The following NDUFA9 variants were observed in gnomAD, a reference collection of about 807,000 sequenced individuals.
The protein encoded by NDUFA9 is NADH dehydrogenase [ubiquinone] 1 alpha subcomplex subunit 9, mitochondrial.
NDUFA9 carries 23 observed loss-of-function variants against 45.9 expected under a neutral mutation model. The observed-to-expected ratio is 0.50, with a 90% CI of 0.36 to 0.71. The LOEUF (loss-of-function observed/expected upper bound fraction) is 0.71, where lower values mean the gene tolerates loss of function less well. NDUFA9 is among the 30% of genes least tolerant of loss of function. The pLI, the probability that NDUFA9 is intolerant of heterozygous loss-of-function variation, is 0.00. For missense variants in NDUFA9, 466 were observed against 488.2 expected (o/e 0.95, Z 0.43); for synonymous variants, 176 against 170.5 (o/e 1.03, Z -0.25).
At chr12:4,677,697 G>C (rs1479823929) in intron 8 of NDUFA9, among the ~76,000 whole-genome samples, 1 of 151,854 alleles carries the variant, frequency 6.6e-6, no homozygotes, top group African/African-American at 2.4e-5. Flanking sequence ...ACTGTTGGTG[G>C]AAGTGTAAAC....
At chr12:4,652,086 A>T (rs1396504787) in intron 1 of NDUFA9, among the ~76,000 whole-genome samples, 1 of 152,240 alleles carries the variant, frequency 6.6e-6, no homozygotes, top group Non-Finnish European at 1.5e-5. Context: ...AAGGAATCAG[A>T]TGAGAACAGT....
intron 3 of NDUFA9, 37 bp from the exon 4 acceptor site, chr12:4,657,711 C>G: frequency 6.8e-7 from 1 of 1,470,962 alleles, no homozygotes. Context: ...TGAGGTATAC[C>G]CCTATGTTTT....
chr12:4,672,725 C>T (rs1591547629), intron 8 of NDUFA9, among the ~76,000 whole-genome samples: 1 of 152,172 alleles, frequency 6.6e-6, no homozygotes. Context: ...AGGCAGTAGC[C>T]CAAGTCAGGG....
At chr12:4,660,333 G>A (rs1427058171) in intron 5 of NDUFA9, among the ~76,000 whole-genome samples, 1 of 152,126 alleles carries the variant, frequency 6.6e-6, no homozygotes, top group Non-Finnish European at 1.5e-5. Flanking sequence ...AAAGATTGAG[G>A]AGCACTATTT....
intron 4 of NDUFA9, 115 bp downstream of exon 4, chr12:4,657,954 A>G: frequency 1.2e-6 from 1 of 841,552 alleles, no homozygotes; most frequent in South Asian, 1.5e-5. Context: ...ATTAGTGAAT[A>G]AGGGTTGGTT....
At chr12:4,670,405 T>C (rs534823043) in intron 8 of NDUFA9, among the ~76,000 whole-genome samples, 14 of 152,330 alleles carry the variant, frequency 9.2e-5, no homozygotes, top group African/African-American at 3.1e-4. Flanking sequence ...AAGACTTCAT[T>C]TGCCAAGTTG....
Position 4,657,837 on chromosome 12 carries a change from C to G in NDUFA9, c.408C>G (p.Thr136=). The G allele has an allele frequency of 6.2e-7, 1 of 1,608,848 alleles. No individual in the cohort carries two copies. Among genetic ancestry groups the G allele is most frequent in the Non-Finnish European group, 8.5e-7 (1 of 1,175,284 alleles). ...ATCTTATTGGACGAGACTGGGAAAC[C>G]AAGTAAGTCTTTGACTCTTGTTTCT... ...VINLIGRDWE[T]KNFDFEDVFV... The change falls in exon 4 of 11, where the codon ACC becomes ACG. Residue 136 remains threonine, a splice_region_variant and synonymous_variant. Transcript: ENST00000266544.
chr12:4,676,974 C>T (rs770612221), intron 8 of NDUFA9, among the ~76,000 whole-genome samples: 1 of 152,160 alleles, frequency 6.6e-6, no homozygotes. Flanking sequence ...TGGGACAGAA[C>T]AGAGGGCTCA....
At chr12:4,654,514 C>G in intron 2 of NDUFA9, 52 bp downstream of exon 2, 1 of 1,575,882 alleles carries the variant, frequency 6.3e-7, no homozygotes, top group Non-Finnish European at 8.7e-7. Flanking sequence ...ATCAGGATTG[C>G]CTGATGAGAA....
At chr12:4,656,861 G>C (rs547471679) in intron 3 of NDUFA9, among the ~76,000 whole-genome samples, 1 of 152,344 alleles carries the variant, frequency 6.6e-6, no homozygotes, top group South Asian at 2.1e-4. Context: ...CAAAGCCACT[G>C]TTTAGACTGT....
chr12:4,659,675 C>G (rs1945812746), intron 5 of NDUFA9, among the ~76,000 whole-genome samples: 1 of 152,180 alleles, frequency 6.6e-6, no homozygotes. Context: ...AATGCCATAC[C>G]TAGAGACTGA....
intron 8 of NDUFA9, among the ~76,000 whole-genome samples, chr12:4,670,205 G>A (rs760810683): frequency 5.9e-5 from 9 of 152,188 alleles, no homozygotes; most frequent in Non-Finnish European, 1.2e-4. Flanking sequence ...TCCAGAGGCT[G>A]AAAAACGGGT....
intron 6 of NDUFA9, among the ~76,000 whole-genome samples, chr12:4,667,870 A>T (rs1487322460): frequency 6.6e-6 from 1 of 152,186 alleles, no homozygotes; most frequent in Non-Finnish European, 1.5e-5. Context: ...AACAAAAAAA[A>T]CTTTTTTAAC....
chr12:4,649,462 A>G (rs1469738963), intron 1 of NDUFA9, among the ~76,000 whole-genome samples: 1 of 151,782 alleles, frequency 6.6e-6, no homozygotes, highest in African/African-American at 2.4e-5. Flanking sequence ...GAATTCTGAT[A>G]TGGTTGTAAG....
chr12:4,662,855 G>T (rs1278929649), intron 6 of NDUFA9, among the ~76,000 whole-genome samples: 2 of 152,128 alleles, frequency 1.3e-5, no homozygotes. Context: ...CATGAACTTG[G>T]GAGTCAGAGA....
At chr12:4,653,048 G>T (rs1267218864) in intron 1 of NDUFA9, among the ~76,000 whole-genome samples, 1 of 152,262 alleles carries the variant, frequency 6.6e-6, no homozygotes, top group Non-Finnish European at 1.5e-5. Flanking sequence ...TCCGAAGTTT[G>T]TTGATTGGAG....
At chr12:4,671,932 TAAA>T (rs1363568126) in intron 8 of NDUFA9, among the ~76,000 whole-genome samples, 1 of 152,180 alleles carries the variant, frequency 6.6e-6, no homozygotes, top group East Asian at 1.9e-4. Flanking sequence ...GTAAGAGTTA[TAAA>T]ACAAGGATTG....
At chr12:4,662,403 T>A in intron 5 of NDUFA9, 130 bp from the exon 6 acceptor site, 1 of 684,856 alleles carries the variant, frequency 1.5e-6, no homozygotes, top group Non-Finnish European at 2.5e-6. Context: ...GTTTTATGAA[T>A]TACATGATTA....
chr12:4,660,009 A>G (rs1008508560), intron 5 of NDUFA9, among the ~76,000 whole-genome samples: 7 of 152,234 alleles, frequency 4.6e-5, no homozygotes, highest in Non-Finnish European at 8.8e-5. Flanking sequence ...ACATTCATAA[A>G]ATCATCAGAA....
Sources: allele counts gnomAD v4.1 joint callset (sites outside exome capture counted in the v4.1 genomes callset), GRCh38; gene constraint gnomAD v4.1.1; transcripts MANE v1.5; gene names NCBI Gene and HGNC (gene_info 2026-07-23, HGNC 2026-07-21).